The following NEDD4L variants were observed in gnomAD, a reference collection of about 807,000 sequenced individuals.
NEDD4L encodes the protein E3 ubiquitin-protein ligase NEDD4-like.
NEDD4L carries 54 observed loss-of-function variants against 148.9 expected under a neutral mutation model. The ratio of observed to expected loss-of-function variants is 0.36; its 90% confidence interval spans 0.29 to 0.45. The LOEUF (loss-of-function observed/expected upper bound fraction) is 0.45, where lower values mean the gene tolerates loss of function less well. Ranked by LOEUF, NEDD4L falls within the 20% of genes least tolerant of loss-of-function variation. The pLI is 1.00. For synonymous variants in NEDD4L, 433 were observed against 440.7 expected (o/e 0.98, Z 0.22); for missense variants, 856 against 1,233.8 (o/e 0.69, Z 4.59).
chr18:58,301,099 C>T (rs761677967), intron 5 of NEDD4L, among the ~76,000 whole-genome samples: 4 of 152,114 alleles, frequency 2.6e-5, no homozygotes, highest in Admixed American at 6.5e-5. Flanking sequence ...TGTTAGTCAC[C>T]AGGTTCCTTT....
rs1485135367 is a variant in NEDD4L at position 58,044,494 on chromosome 18, C to G, written c.-167C>G. 21 of 887,096 alleles carry G rather than the reference C, an allele frequency of 2.4e-5. No homozygotes were observed. Among genetic ancestry groups the G allele is most frequent in the Non-Finnish European group, 3.1e-5 (21 of 669,504 alleles). 55.0% of individuals were successfully genotyped at this position (887,096 alleles called of 1,614,324 possible). A position where few individuals can be genotyped will look rare whatever the true frequency, so the allele number is the denominator to read the frequency against. On this transcript the variant is annotated 5_prime_UTR_variant, in exon 1 of 31. Coordinates refer to ENST00000400345, the MANE Select transcript of NEDD4L (RefSeq NM_001144967.3). ...AGCGGTGCCGGCAGCGTCCAGGGCG[C>G]GCTCTCGGGCACCCTCACCTGCCGG... is the stretch of plus-strand genomic sequence containing the variant.
At chr18:58,262,760 A>C (rs1201125419) in intron 5 of NEDD4L, among the ~76,000 whole-genome samples, 1 of 152,190 alleles carries the variant, frequency 6.6e-6, no homozygotes, top group Non-Finnish European at 1.5e-5. Flanking sequence ...GCCAACTAGG[A>C]TACAGAGGAG....
chr18:58,140,228 A>G (rs2033344464), intron 1 of NEDD4L, among the ~76,000 whole-genome samples: 1 of 152,174 alleles, frequency 6.6e-6, no homozygotes, highest in Non-Finnish European at 1.5e-5. Flanking sequence ...GGGAGTGTAT[A>G]CCTGGGAAAT....
intron 1 of NEDD4L, among the ~76,000 whole-genome samples, chr18:58,128,011 TTTTTG>T (rs1178440407): frequency 6.6e-6 from 1 of 151,364 alleles, no homozygotes; most frequent in Non-Finnish European, 1.5e-5. Flanking sequence ...CCGGCTAATT[TTTTTG>T]TTTTGTTTTG....
At chr18:58,185,803 G>A (rs1599484528) in intron 2 of NEDD4L, among the ~76,000 whole-genome samples, 1 of 152,074 alleles carries the variant, frequency 6.6e-6, no homozygotes, top group Admixed American at 6.6e-5. Context: ...AACCCAGGAG[G>A]CAGAGGTTGC....
chr18:58,070,135 A>G (rs1328738905), intron 1 of NEDD4L, among the ~76,000 whole-genome samples: 2 of 152,248 alleles, frequency 1.3e-5, no homozygotes, highest in African/African-American at 4.8e-5. Flanking sequence ...ACATTGTGCA[A>G]ACAGCTCTAC....
chr18:58,350,517 A>G (rs897193342), intron 17 of NEDD4L, among the ~76,000 whole-genome samples: 5 of 152,172 alleles, frequency 3.3e-5, no homozygotes, highest in African/African-American at 1.2e-4. Flanking sequence ...AAATTCTCCA[A>G]ATCTGTTTAG....
chr18:58,346,408 G>T (rs993313376), intron 16 of NEDD4L, among the ~76,000 whole-genome samples: 6 of 152,208 alleles, frequency 3.9e-5, no homozygotes, highest in African/African-American at 1.4e-4. Context: ...AGCATTATGG[G>T]TGAGGGATGT....
intron 1 of NEDD4L, among the ~76,000 whole-genome samples, chr18:58,077,362 T>C (rs550323417): frequency 1.3e-5 from 2 of 152,096 alleles, no homozygotes; most frequent in African/African-American, 4.8e-5. Flanking sequence ...AGATAGGCTT[T>C]TGCCATGTTG....
At chr18:58,208,041 T>TCAACAA (rs552503395) in intron 2 of NEDD4L, among the ~76,000 whole-genome samples, 5 of 151,822 alleles carry the variant, frequency 3.3e-5, no homozygotes, top group African/African-American at 7.3e-5. Flanking sequence ...AGACTCTGTC[T>TCAACAA]CAACAACAAC....
At chr18:58,189,713 G>T (rs1346728998) in intron 2 of NEDD4L, 2 of 152,100 alleles carry the variant, frequency 1.3e-5, no homozygotes, top group African/African-American at 2.4e-5. Flanking sequence ...GTAACTAATG[G>T]TCACTGAGTG....
chr18:58,122,743 CT>C (rs944368993), intron 1 of NEDD4L, among the ~76,000 whole-genome samples: 9 of 147,614 alleles, frequency 6.1e-5, no homozygotes, highest in Admixed American at 6.7e-5. Context: ...TTTTCTTTTT[CT>C]TTTTTTTTTG....
chr18:58,052,588 G>A (rs911994045), intron 1 of NEDD4L, among the ~76,000 whole-genome samples: 9 of 151,128 alleles, frequency 6.0e-5, no homozygotes, highest in African/African-American at 2.2e-4. Context: ...AAGAGATTTT[G>A]TATTCTTTTT....
At chr18:58,356,037 C>A (rs2044590850) in intron 18 of NEDD4L, among the ~76,000 whole-genome samples, 1 of 152,130 alleles carries the variant, frequency 6.6e-6, no homozygotes, top group African/African-American at 2.4e-5. Context: ...CTCACTGCAG[C>A]CTTCCCCTGG....
chr18:58,355,185 A>G (rs2044440890), intron 18 of NEDD4L, among the ~76,000 whole-genome samples: 1 of 152,162 alleles, frequency 6.6e-6, no homozygotes, highest in Non-Finnish European at 1.5e-5. Context: ...GGGGTGAGAC[A>G]ATTCCCAGTG....
rs766146854 is a variant in NEDD4L, at chr18:58,341,790, C to T, written c.1370C>T (p.Pro457Leu). The change falls in exon 15 of 31, where the codon CCG becomes CTG. Residue 457 changes from proline (P) to leucine (L), a missense_variant. Coordinates refer to ENST00000400345, the MANE Select transcript of NEDD4L (RefSeq NM_001144967.3). ...TCGCCAACAGTAACTTTATCTGCCC[C>T]GCTGGAGGTGAGACGGCTACCTCAT... ...LSSPTVTLSA[P>L]LEGAKDSPVR... is the part of the protein sequence containing the mutation. The T allele has an allele frequency of 1.8e-5, 29 of 1,612,846 alleles. No homozygotes were observed. Among genetic ancestry groups the T allele is most frequent in the South Asian group, 5.5e-5 (5 of 90,646 alleles).
rs1218938746 is a variant in NEDD4L at position 58,400,674 on chromosome 18, AGCATTGC to A, written c.*4406_*4412del. 1 of 152,246 alleles carries A rather than the reference AGCATTGC, an allele frequency of 6.6e-6. No individual in the cohort carries two copies. The highest frequency in any genetic ancestry group is 1.5e-5 in the Non-Finnish European group (1 of 68,052). 9.4% of individuals were successfully genotyped at this position (152,246 alleles called of 1,614,324 possible). On this transcript the variant is annotated 3_prime_UTR_variant, in exon 31 of 31. Coordinates refer to ENST00000400345, the MANE Select transcript of NEDD4L (RefSeq NM_001144967.3). ...CGTTGGTTTTCTGTGTGTAAGGAGT[AGCATTGC>A]TGTTGGCGCCTAACCTCGCGTGCAC...
At chr18:58,122,478 CAA>C (rs1469197171) in intron 1 of NEDD4L, among the ~76,000 whole-genome samples, 2 of 151,986 alleles carry the variant, frequency 1.3e-5, no homozygotes, top group African/African-American at 4.8e-5. Context: ...GCCTGGGCAA[CAA>C]GAGCAAAATT....
intron 5 of NEDD4L, among the ~76,000 whole-genome samples, chr18:58,312,828 G>A (rs2057855112): frequency 6.6e-6 from 1 of 152,186 alleles, no homozygotes; most frequent in Non-Finnish European, 1.5e-5. Flanking sequence ...CTACAGGCAT[G>A]AGCCACCAAG....
Sources: allele counts gnomAD v4.1 joint callset (sites outside exome capture counted in the v4.1 genomes callset), GRCh38; gene constraint gnomAD v4.1.1; transcripts MANE v1.5; gene names NCBI Gene and HGNC (gene_info 2026-07-23, HGNC 2026-07-21).